Variants in IL4R observed in about 807,000 individuals in gnomAD.
IL4R encodes interleukin 4 receptor.
Under a neutral mutation model 41.5 loss-of-function variants are expected in IL4R, and 17 were observed. The ratio of observed to expected loss-of-function variants is 0.41; its 90% CI spans 0.28 to 0.61. The LOEUF is 0.61. IL4R is among the 20% of genes least tolerant of loss of function. The pLI is 0.31. For missense variants in IL4R, 974 were observed against 1,043.1 expected (o/e 0.93, Z 0.91); for synonymous variants, 402 against 422.9 (o/e 0.95, Z 0.61).
In IL4R at chr16:27,337,199, G is replaced by T. The variant is rs145165827; in HGVS notation, c.-18-2987G>T. Among the ~76,000 whole-genome samples the T allele has an allele frequency of 7.2e-5, 11 of 152,070 alleles. No homozygotes were observed. The East Asian group carries it at 1.9e-3, about 27-fold the overall frequency. ...GTGGAGAGGGAGGTGGAGCCCTGCT[G>T]GGGGGAGGGCCTTCAAGTGTGCCCA... On this transcript the variant is annotated intron_variant, in intron 2 of 10. Transcript: ENST00000395762.
intron 1 of IL4R, among the ~76,000 whole-genome samples, chr16:27,325,078 T>A (rs1335929765): frequency 1.3e-5 from 2 of 152,156 alleles, no homozygotes; most frequent in African/African-American, 4.8e-5. Context: ...AGACAGAGTT[T>A]GAGTCTACTG....
chr16:27,344,952 A>G lies in IL4R; in HGVS notation c.293A>G (p.Asn98Ser), dbSNP rs761781246. ...LLMDDVVSAD[N>S]YTLDLWAGQQ... is the part of the protein sequence containing the mutation. ...ATGGATGACGTGGTCAGTGCGGATAACTATACACTGGACCTGTGGGCTGGG... is the reference window on the plus strand; with the variant it reads ...ATGGATGACGTGGTCAGTGCGGATAGCTATACACTGGACCTGTGGGCTGGG... The change falls in exon 5 of 11, where the codon AAC (asparagine) becomes AGC (serine). Residue 98 changes from asparagine to serine, a missense_variant. Asn to Ser is a conservative substitution (Grantham distance 46). Around this residue, in one of 3 missense-constraint regions of IL4R, gnomAD observed 284 missense variants for 313.4 expected, o/e 0.91. Transcript: ENST00000395762. 18 of 1,613,994 alleles carry G rather than the reference A, an allele frequency of 1.1e-5. No homozygotes were observed. Among genetic ancestry groups the G allele is most frequent in the Non-Finnish European group, 1.5e-5 (18 of 1,180,020 alleles).
At chr16:27,348,539 T>C (rs2085747624) in intron 6 of IL4R, among the ~76,000 whole-genome samples, 1 of 152,258 alleles carries the variant, frequency 6.6e-6, no homozygotes, top group African/African-American at 2.4e-5. Context: ...AGGCAGGCTC[T>C]TCCCTCATGT....
chr16:27,359,006 C>T lies in IL4R; in HGVS notation c.849+12C>T, dbSNP rs757624026. ...TCCAGGATGCTCAGGTAGGAGTAGG[C>T]GTGGATGAGGACATGTGGGACTGTG... is the stretch of plus-strand genomic sequence containing the variant. On this transcript the variant is annotated intron_variant, in intron 9 of 10. Transcript: ENST00000395762. The T allele has an allele frequency of 1.9e-5, 30 of 1,603,938 alleles. 1 individual carries two copies. The South Asian group carries it at 2.3e-4, about 12-fold the overall frequency.
At chr16:27,354,780 C>T (rs2086002186) in intron 7 of IL4R, among the ~76,000 whole-genome samples, 1 of 152,206 alleles carries the variant, frequency 6.6e-6, no homozygotes, top group South Asian at 2.1e-4. Context: ...GACCCTGCCA[C>T]CGCACAGCCC....
At chr16:27,356,586 C>G (rs3024646) in intron 8 of IL4R, among the ~76,000 whole-genome samples, 1 of 152,076 alleles carries the variant, frequency 6.6e-6, no homozygotes, top group Non-Finnish European at 1.5e-5. Context: ...GAGGGGGGCC[C>G]TGACTGGGGA....
At chr16:27,348,374 G>A (rs187338047) in intron 6 of IL4R, among the ~76,000 whole-genome samples, 1 of 152,310 alleles carries the variant, frequency 6.6e-6, no homozygotes, top group East Asian at 1.9e-4. Flanking sequence ...CCAAGGATGG[G>A]CTGGGGGGAA....
chr16:27,356,505 C>G (rs3024644), intron 8 of IL4R, among the ~76,000 whole-genome samples: 120,677 of 152,110 alleles, frequency 0.79, 48,922 homozygotes, highest in East Asian at 0.91. Flanking sequence ...GACCAGGGTG[C>G]AGGCCAGAGA....
In IL4R at chr16:27,334,905, G is replaced by A. The variant is rs748323462; in HGVS notation, c.-19+4707G>A. Among the ~76,000 whole-genome samples, 3 of 152,172 alleles carry A rather than the reference G, an allele frequency of 2.0e-5. No individual in the cohort carries two copies. The South Asian group carries it at 6.2e-4, about 32-fold the overall frequency. ...TAATCAACAAACAGTTACTGAACAC[G>A]TCCTATGTGCCAGGCACCGTTGTAG... On this transcript the variant is annotated intron_variant, in intron 2 of 10. Coordinates refer to ENST00000395762, the MANE Select transcript of IL4R (RefSeq NM_000418.4).
In IL4R at chr16:27,352,770, G is replaced by A; in HGVS notation, c.670+74G>A. The A allele has an allele frequency of 2.0e-6, 3 of 1,476,740 alleles. No individual in the cohort carries two copies. In the South Asian group the frequency reaches 3.6e-5, roughly 17 times the overall value. 91.5% of individuals were successfully genotyped at this position (1,476,740 alleles called of 1,614,324 possible). A position where few individuals can be genotyped will look rare whatever the true frequency, so the allele number is the denominator to read the frequency against. ...CCCCTGTGGCCAGACACTTCCCCTGGCTGAGTCTCTGGGCTTTTATATCAT... is the reference window on the plus strand; with the variant it reads ...CCCCTGTGGCCAGACACTTCCCCTGACTGAGTCTCTGGGCTTTTATATCAT... On this transcript the variant is annotated intron_variant, in intron 7 of 10. Coordinates refer to ENST00000395762, the MANE Select transcript of IL4R (RefSeq NM_000418.4).
intron 9 of IL4R, chr16:27,359,696 C>A: frequency 2.4e-6 from 1 of 417,298 alleles, no homozygotes; most frequent in Non-Finnish European, 5.1e-6. Flanking sequence ...GCCTCAGTTT[C>A]CTCTTGTGGG....
At chr16:27,347,331 C>T (rs1445709777) in intron 6 of IL4R, among the ~76,000 whole-genome samples, 1 of 152,166 alleles carries the variant, frequency 6.6e-6, no homozygotes. Context: ...GCCGGGACTA[C>T]AGGCACCTGC....
Position 27,342,108 on chromosome 16 carries a change from T to C in IL4R, c.71-13T>C, listed in dbSNP as rs200558051. On this transcript the variant is annotated splice_polypyrimidine_tract_variant and intron_variant, in intron 3 of 10. Transcript: ENST00000395762. Reference sequence around the variant, plus strand: ...GTTCCTGGGCCGCTCAGGCTGCTCCTGTGTCTCCCCAGGGAACATGAAGGT... The same window carrying C: ...GTTCCTGGGCCGCTCAGGCTGCTCCCGTGTCTCCCCAGGGAACATGAAGGT... 6.1e-4 allele frequency: 991 copies of C among 1,613,552 alleles called. 2 individuals carry two copies. The highest frequency in any genetic ancestry group is 7.5e-4 in the Non-Finnish European group (887 of 1,179,740).
At position 27,346,467 on chromosome 16, in the gene IL4R, T is replaced by A; in HGVS notation, c.362T>A (p.Val121Glu). The A allele has an allele frequency of 6.2e-7, 1 of 1,614,082 alleles. No homozygotes were observed. The highest frequency in any genetic ancestry group is 1.1e-5 in the South Asian group (1 of 91,072). Reference protein sequence around the residue: ...WKGSFKPSEHVKPRAPGNLTV... With the variant: ...WKGSFKPSEHEKPRAPGNLTV... ...CACATAGAGGCCGCTTCTCCCGCAGTGAAACCCAGGGCCCCAGGAAACCTG... is the reference window on the plus strand; with the variant it reads ...CACATAGAGGCCGCTTCTCCCGCAGAGAAACCCAGGGCCCCAGGAAACCTG... Residue 121 changes from valine to glutamate, a missense_variant and splice_region_variant, in exon 6 of 11, where the codon GTG becomes GAG. Transcript: ENST00000395762.
rs912218081 is a variant in IL4R at position 27,330,114 on chromosome 16, C to T, written c.-103C>T. The T allele has an allele frequency of 3.4e-4, 51 of 152,018 alleles. No individual in the cohort carries two copies. The highest frequency in any genetic ancestry group is 1.1e-3 in the African/African-American group (47 of 41,478). The allele number at this position is 152,018 out of a possible 1,614,324, so 9.4% of individuals were successfully genotyped here. A position where few individuals can be genotyped will look rare whatever the true frequency, so the allele number is the denominator to read the frequency against. On this transcript the variant is annotated 5_prime_UTR_variant, in exon 2 of 11. Coordinates refer to ENST00000395762, the MANE Select transcript of IL4R (RefSeq NM_000418.4). ...TGGAAGAAATCATAGAGAAGCCGGG[C>T]GTGGTGGCTCATGCCTATAATCCCA...
intron 8 of IL4R, among the ~76,000 whole-genome samples, chr16:27,356,187 G>A (rs2086074381): frequency 6.6e-6 from 1 of 151,078 alleles, no homozygotes; most frequent in Non-Finnish European, 1.5e-5. Context: ...CGCCTCCCGG[G>A]TTCAAGCAAT....
At chr16:27,314,114 G>T (rs1272030875) in intron 1 of IL4R, 94 bp downstream of exon 1, 8 of 984,190 alleles carry the variant, frequency 8.1e-6, no homozygotes, top group Admixed American at 6.2e-5. Flanking sequence ...CCGCCGGCGG[G>T]GACCACGGGG....
intron 9 of IL4R, 40 bp downstream of exon 9, chr16:27,359,034 C>A: frequency 6.7e-7 from 1 of 1,486,338 alleles, no homozygotes; most frequent in Non-Finnish European, 9.4e-7. Context: ...GGACTGTGTA[C>A]ATGAAGAAGT....
chr16:27,315,757 C>G (rs189329968), intron 1 of IL4R, among the ~76,000 whole-genome samples: 181 of 152,266 alleles, frequency 1.2e-3, no homozygotes, highest in South Asian at 8.7e-3. Context: ...GGAACTTGGG[C>G]CAGTGTATTC....
Sources: allele counts gnomAD v4.1 joint callset (sites outside exome capture counted in the v4.1 genomes callset), GRCh38; gene constraint gnomAD v4.1.1; regional missense constraint gnomAD v4.1.1; transcripts MANE v1.5; gene names NCBI Gene and HGNC (gene_info 2026-07-23, HGNC 2026-07-21).